The following CRY1 variants were observed in gnomAD, a reference collection of about 807,000 sequenced individuals.
The protein encoded by CRY1 is cryptochrome circadian regulator 1.
In CRY1, 45 loss-of-function variants were observed where a neutral mutation model predicts 76.0. The ratio of observed to expected loss-of-function variants is 0.59; its 90% CI spans 0.47 to 0.76. The LOEUF is 0.76. Ranked by LOEUF, CRY1 falls within the 30% of genes least tolerant of loss-of-function variation. The pLI is 0.00. For missense variants in CRY1, 587 were observed against 716.4 expected, an observed-to-expected ratio of 0.82 and a Z score of 2.06; for synonymous variants, 248 against 244.0, an observed-to-expected ratio of 1.02 and a Z score of -0.15.
intron 5 of CRY1, among the ~76,000 whole-genome samples, chr12:107,000,408 G>A (rs1028194591): frequency 2.0e-5 from 3 of 151,710 alleles, no homozygotes; most frequent in Non-Finnish European, 4.4e-5. Context: ...CTGGAGTGCA[G>A]TGGCTCAATC....
intron 1 of CRY1, among the ~76,000 whole-genome samples, chr12:107,090,262 TTG>T (rs1207668831): frequency 6.6e-6 from 1 of 152,102 alleles, no homozygotes; most frequent in African/African-American, 2.4e-5. Context: ...TCTAATTTTT[TTG>T]TGTTTTTTAC....
At chr12:107,021,055 C>G (rs555397548) in intron 2 of CRY1, among the ~76,000 whole-genome samples, 1 of 152,042 alleles carries the variant, frequency 6.6e-6, no homozygotes, top group Admixed American at 6.6e-5. Context: ...AGGTCGAGGC[C>G]GGTGGATCAC....
chr12:107,089,385 A>G (rs1197629946), intron 1 of CRY1, among the ~76,000 whole-genome samples: 2 of 152,122 alleles, frequency 1.3e-5, no homozygotes, highest in East Asian at 1.9e-4. Flanking sequence ...CCCAGGCTGG[A>G]GTGCAGTAGC....
At chr12:107,013,560 C>G (rs1461056906) in intron 2 of CRY1, among the ~76,000 whole-genome samples, 3 of 152,164 alleles carry the variant, frequency 2.0e-5, no homozygotes, top group Admixed American at 6.5e-5. Flanking sequence ...TCGAACCAAA[C>G]TTGTAACATC....
At chr12:107,018,497 G>C (rs571113290) in intron 2 of CRY1, among the ~76,000 whole-genome samples, 10 of 152,292 alleles carry the variant, frequency 6.6e-5, no homozygotes, top group Non-Finnish European at 1.5e-4. Flanking sequence ...TGAGGCACAA[G>C]AATGGCTTGA....
chr12:107,040,271 C>CT (rs34066417), intron 1 of CRY1, among the ~76,000 whole-genome samples: 47 of 134,418 alleles, frequency 3.5e-4, no homozygotes, highest in South Asian at 2.8e-3. Flanking sequence ...ACTTTCTTTC[C>CT]TTTTTTTTTT....
intron 1 of CRY1, among the ~76,000 whole-genome samples, chr12:107,085,090 A>C (rs558461945): frequency 2.0e-5 from 3 of 152,358 alleles, no homozygotes; most frequent in South Asian, 2.1e-4. Context: ...TCATTAGAGA[A>C]ATGCAAATCA....
At chr12:107,060,397 A>G (rs1953032032) in intron 1 of CRY1, among the ~76,000 whole-genome samples, 1 of 152,186 alleles carries the variant, frequency 6.6e-6, no homozygotes, top group Non-Finnish European at 1.5e-5. Flanking sequence ...CTCTTCTGCC[A>G]TGGGATGATG....
At chr12:107,021,865 G>A (rs943594668) in intron 2 of CRY1, among the ~76,000 whole-genome samples, 9 of 152,004 alleles carry the variant, frequency 5.9e-5, no homozygotes, top group South Asian at 2.1e-4. Flanking sequence ...AGCAGTTTAA[G>A]GTAGAAGAAA....
At chr12:107,054,442 C>T (rs1324709603) in intron 1 of CRY1, among the ~76,000 whole-genome samples, 1 of 150,442 alleles carries the variant, frequency 6.6e-6, no homozygotes, top group African/African-American at 2.4e-5. Context: ...TTTAAAACAA[C>T]AGAATTTAAA....
chr12:106,992,382 T>C, intron 12 of CRY1: 1 of 156,082 alleles, frequency 6.4e-6, no homozygotes. Flanking sequence ...ATAAAAGAAA[T>C]TTATCAACAT....
At chr12:107,089,647 G>A (rs528187326) in intron 1 of CRY1, among the ~76,000 whole-genome samples, 39 of 152,192 alleles carry the variant, frequency 2.6e-4, no homozygotes, top group African/African-American at 6.7e-4. Flanking sequence ...AGTGTTGACC[G>A]AAGAAAATAC....
chr12:107,046,356 G>A (rs1203100578), intron 1 of CRY1, among the ~76,000 whole-genome samples: 1 of 150,860 alleles, frequency 6.6e-6, no homozygotes, highest in Non-Finnish European at 1.5e-5. Flanking sequence ...TCACTATCAC[G>A]TAAATATGCA....
At chr12:107,080,545 A>G (rs1371885289) in intron 1 of CRY1, among the ~76,000 whole-genome samples, 1 of 152,076 alleles carries the variant, frequency 6.6e-6, no homozygotes, top group Non-Finnish European at 1.5e-5. Context: ...GAAAAGGAGA[A>G]GCTAAGGAAG....
intron 2 of CRY1, among the ~76,000 whole-genome samples, chr12:107,021,544 C>G (rs894199461): frequency 1.3e-5 from 2 of 152,112 alleles, no homozygotes; most frequent in African/African-American, 4.8e-5. Context: ...ATGAAGTCAT[C>G]TGAAAGACCG....
At chr12:107,079,412 T>C (rs901673332) in intron 1 of CRY1, among the ~76,000 whole-genome samples, 6 of 146,562 alleles carry the variant, frequency 4.1e-5, no homozygotes, top group African/African-American at 1.4e-4. Context: ...CAAAGAGAAA[T>C]GTGATCCTGG....
At chr12:107,017,139 T>C (rs1317168328) in intron 2 of CRY1, among the ~76,000 whole-genome samples, 2 of 152,232 alleles carry the variant, frequency 1.3e-5, no homozygotes, top group African/African-American at 2.4e-5. Context: ...AACTCTCCAA[T>C]GGCATCTATT....
chr12:107,023,835 ATG>A (rs1472674673), intron 1 of CRY1, among the ~76,000 whole-genome samples: 1 of 152,116 alleles, frequency 6.6e-6, no homozygotes, highest in Non-Finnish European at 1.5e-5. Flanking sequence ...ACCACTACCA[ATG>A]TACAAATATT....
At chr12:107,026,111 A>AAT (rs372518498) in intron 1 of CRY1, among the ~76,000 whole-genome samples, 2 of 47,294 alleles carry the variant, frequency 4.2e-5, no homozygotes, top group Admixed American at 2.5e-4. Flanking sequence ...ATATATATAA[A>AAT]ATATATATAT....
Sources: allele counts gnomAD v4.1 joint callset (sites outside exome capture counted in the v4.1 genomes callset), GRCh38; gene constraint gnomAD v4.1.1; transcripts MANE v1.5; gene names NCBI Gene and HGNC (gene_info 2026-07-23, HGNC 2026-07-21).